GPD2: variants seen among roughly 807,000 people sequenced by gnomAD.
GPD2 encodes glycerol-3-phosphate dehydrogenase, mitochondrial.
GPD2 carries 54 observed loss-of-function variants against 82.4 expected under a neutral mutation model. The ratio of observed to expected loss-of-function variants is 0.66; its 90% confidence interval spans 0.53 to 0.82. GPD2 has a LOEUF of 0.82. Ranked by LOEUF, GPD2 falls within the 40% of genes least tolerant of loss-of-function variation. The pLI is 0.00. For missense variants in GPD2, 748 were observed against 896.2 expected, an observed-to-expected ratio of 0.83 and a Z score of 2.11; for synonymous variants, 288 against 306.1, an observed-to-expected ratio of 0.94 and a Z score of 0.62.
chr2:156,526,111 T>G (rs1011228110), intron 6 of GPD2, among the ~76,000 whole-genome samples: 1 of 152,144 alleles, frequency 6.6e-6, no homozygotes, highest in Non-Finnish European at 1.5e-5. Flanking sequence ...TTTTAAAAGG[T>G]GAATTTAAAA....
chr2:156,536,589 T>A (rs1223520064), intron 6 of GPD2, among the ~76,000 whole-genome samples: 1 of 152,238 alleles, frequency 6.6e-6, no homozygotes, highest in East Asian at 1.9e-4. Context: ...TGACTATGCC[T>A]GCTAAAAGGT....
rs373609586 is a variant in GPD2, at chr2:156,570,065, T to C, written c.1477-22T>C. The C allele has an allele frequency of 2.6e-4, 411 of 1,608,866 alleles. 2 individuals are homozygous for C. Among genetic ancestry groups the C allele is most frequent in the Non-Finnish European group, 3.4e-4 (398 of 1,177,376 alleles). On this transcript the variant is annotated intron_variant, in intron 11 of 16. Transcript: ENST00000438166. ...GCTATTGATATTCAAAGTGCCTGCC[T>C]AACGCAGCTTTATTTCTCTAGGTGG... is the stretch of plus-strand genomic sequence containing the variant.
chr2:156,442,032 A>G (rs1682192293), intron 1 of GPD2, among the ~76,000 whole-genome samples: 1 of 152,218 alleles, frequency 6.6e-6, no homozygotes, highest in Admixed American at 6.5e-5. Context: ...GTACTTTAGA[A>G]CAATGATTGT....
chr2:156,566,155 G>A (rs561078703), intron 9 of GPD2, among the ~76,000 whole-genome samples: 4 of 152,132 alleles, frequency 2.6e-5, no homozygotes, highest in South Asian at 2.1e-4. Flanking sequence ...TAACCCTTTC[G>A]TAATTTGAGA....
At chr2:156,570,038 A>G (rs779915366) in intron 11 of GPD2, 49 bp from the exon 12 acceptor site, 1 of 1,563,534 alleles carries the variant, frequency 6.4e-7, no homozygotes, top group Non-Finnish European at 8.8e-7. Flanking sequence ...TTGTGCCTAG[A>G]AGCTATTGAT....
At chr2:156,426,004 G>T in the GPD2 span, among the ~76,000 whole-genome samples, 1 of 150,512 alleles carries the variant, frequency 6.6e-6, no homozygotes, top group East Asian at 2.0e-4. Context: ...CTCACTGCAA[G>T]CTCCGCCTCC....
chr2:156,459,006 AATATATAT>A (rs56055627), intron 1 of GPD2, among the ~76,000 whole-genome samples: 26 of 150,020 alleles, frequency 1.7e-4, no homozygotes, highest in East Asian at 7.8e-4. Context: ...TTAAAATAGA[AATATATAT>A]ATATATATAT....
the GPD2 span, among the ~76,000 whole-genome samples, chr2:156,403,135 T>G: frequency 4.3e-5 from 2 of 46,454 alleles, no homozygotes; most frequent in African/African-American, 6.3e-5. Flanking sequence ...AAAAAAAAAA[T>G]CTCAGAACAC....
In GPD2 at chr2:156,586,160, G is replaced by A. The variant is rs1455239060; in HGVS notation, c.*3242G>A. On this transcript the variant is annotated 3_prime_UTR_variant, in exon 17 of 17. Transcript: ENST00000438166. ...TAAAACTGATTAAAATGGTCTATTTGCTAGCATTTTGATGTTACTTGCAGT... is the reference window on the plus strand; with the variant it reads ...TAAAACTGATTAAAATGGTCTATTTACTAGCATTTTGATGTTACTTGCAGT... 3 of 152,418 alleles carry A rather than the reference G, an allele frequency of 2.0e-5. No homozygotes were observed. The highest frequency in any genetic ancestry group is 4.4e-5 in the Non-Finnish European group (3 of 67,970). The allele number at this position is 152,418 out of a possible 1,614,324, so 9.4% of individuals were successfully genotyped here.
At chr2:156,474,598 A>T (rs1027119061) in intron 1 of GPD2, among the ~76,000 whole-genome samples, 6 of 152,258 alleles carry the variant, frequency 3.9e-5, no homozygotes, top group African/African-American at 1.2e-4. Context: ...AATTTTTTTT[A>T]GTTGATCACA....
chr2:156,469,317 C>G (rs1476981896), intron 1 of GPD2, among the ~76,000 whole-genome samples: 1 of 152,166 alleles, frequency 6.6e-6, no homozygotes, highest in Non-Finnish European at 1.5e-5. Context: ...CACCCACCAC[C>G]ACGCCTGGCT....
upstream of GPD2, among the ~76,000 whole-genome samples, chr2:156,432,604 C>T (rs937213266): frequency 2.6e-5 from 4 of 152,106 alleles, no homozygotes; most frequent in Admixed American, 2.6e-4. Flanking sequence ...TGATTTTGTT[C>T]TTTTTTAGGG....
intron 8 of GPD2, among the ~76,000 whole-genome samples, chr2:156,551,354 T>A (rs1054475973): frequency 3.3e-5 from 5 of 152,166 alleles, no homozygotes; most frequent in Non-Finnish European, 7.4e-5. Flanking sequence ...ACATGGAGCG[T>A]CATTAAACTC....
chr2:156,545,759 A>G (rs940877166), intron 6 of GPD2, among the ~76,000 whole-genome samples: 1 of 152,110 alleles, frequency 6.6e-6, no homozygotes, highest in African/African-American at 2.4e-5. Context: ...CATTCTTCAT[A>G]CTCTATACAT....
At chr2:156,489,231 G>T (rs988563972) in intron 2 of GPD2, among the ~76,000 whole-genome samples, 4 of 152,208 alleles carry the variant, frequency 2.6e-5, no homozygotes, top group African/African-American at 4.8e-5. Flanking sequence ...CTCAGTTTTA[G>T]CAGATTTATC....
At chr2:156,475,579 A>T in intron 1 of GPD2, among the ~76,000 whole-genome samples, 1 of 152,192 alleles carries the variant, frequency 6.6e-6, no homozygotes, top group East Asian at 1.9e-4. Context: ...TTTTGGCTGT[A>T]GTGAAAACTT....
Position 156,538,835 on chromosome 2 carries a change from A to AT in GPD2, c.662-10773_662-10772insT, listed in dbSNP as rs1368473410. ...GACTGCATCTCAAAAAAAAAAAAAA[A>AT]AAAGATCAGGATTTTGCCTAGTAAC... On this transcript the variant is annotated intron_variant, in intron 6 of 16. Coordinates refer to ENST00000438166, the MANE Select transcript of GPD2 (RefSeq NM_000408.5). Among the ~76,000 whole-genome samples, 139 of 151,504 alleles carry AT rather than the reference A, an allele frequency of 9.2e-4. 4 individuals carry two copies. The East Asian group carries it at 0.027, about 29-fold the overall frequency.
intron 2 of GPD2, among the ~76,000 whole-genome samples, chr2:156,490,401 A>T (rs568894400): frequency 6.6e-5 from 10 of 151,726 alleles, no homozygotes; most frequent in South Asian, 2.1e-4. Flanking sequence ...AAAAAAAAAA[A>T]CAAAAATAAA....
the GPD2 span, among the ~76,000 whole-genome samples, chr2:156,425,089 AT>A: frequency 2.6e-4 from 39 of 148,798 alleles, no homozygotes; most frequent in African/African-American, 9.6e-4. Context: ...TATTCATTTT[AT>A]TTTTTTTTTT....
Sources: allele counts gnomAD v4.1 joint callset (sites outside exome capture counted in the v4.1 genomes callset), GRCh38; gene constraint gnomAD v4.1.1; transcripts MANE v1.5; gene names NCBI Gene and HGNC (gene_info 2026-07-23, HGNC 2026-07-21).